The following PTPN3 variants were observed in gnomAD, a reference collection of about 807,000 sequenced individuals.
The protein encoded by PTPN3 is tyrosine-protein phosphatase non-receptor type 3.
In PTPN3, 96 loss-of-function variants were observed where a neutral mutation model predicts 132.7. The ratio of observed to expected loss-of-function variants is 0.72; its 90% CI spans 0.61 to 0.86. PTPN3 has a LOEUF of 0.86. Ranked by LOEUF, PTPN3 falls within the 40% of genes least tolerant of loss-of-function variation. The pLI, the probability that PTPN3 is intolerant of heterozygous loss-of-function variation, is 0.00. For missense variants in PTPN3, 1,125 were observed against 1,159.6 expected (o/e 0.97, Z 0.43); for synonymous variants, 398 against 429.0 (o/e 0.93, Z 0.89).
At chr9:109,406,905 TTATAA>T (rs1225781214) in intron 17 of PTPN3, among the ~76,000 whole-genome samples, 1 of 152,218 alleles carries the variant, frequency 6.6e-6, no homozygotes, top group Admixed American at 6.5e-5. Flanking sequence ...CCTTCACTTA[TTATAA>T]TATAACTATA....
intron 5 of PTPN3, chr9:109,449,121 T>G: frequency 7.9e-7 from 1 of 1,269,350 alleles, no homozygotes; most frequent in Non-Finnish European, 9.9e-7. Context: ...TGAGCAGGGA[T>G]GAATGGGGTG....
the PTPN3 span, among the ~76,000 whole-genome samples, chr9:109,506,756 C>A: frequency 6.6e-6 from 1 of 151,984 alleles, no homozygotes; most frequent in Non-Finnish European, 1.5e-5. Context: ...GTGCATGCCA[C>A]AAGACTTGGC....
chr9:109,439,916 A>G (rs1319277917), intron 7 of PTPN3, among the ~76,000 whole-genome samples: 2 of 142,944 alleles, frequency 1.4e-5, no homozygotes, highest in Admixed American at 7.0e-5. Flanking sequence ...CTCAAAAAAG[A>G]AAAAAAAAAA....
chr9:109,407,382 C>T (rs1338030424), intron 17 of PTPN3, among the ~76,000 whole-genome samples: 1 of 151,744 alleles, frequency 6.6e-6, no homozygotes, highest in East Asian at 1.9e-4. Flanking sequence ...GACCCTGTCT[C>T]TTAAAAAAGA....
chr9:109,463,160 A>G lies in PTPN3; in HGVS notation c.138+137T>C, dbSNP rs1348810275. ...AACATTTTTAAGTATTTCCAGTGCA[A>G]TCTCAACATACAAGATCTGAGATCT... On this transcript the variant is annotated intron_variant, in intron 2 of 25. Transcript: ENST00000374541. 5.3e-6 allele frequency: 5 copies of G among 945,410 alleles called. No individual in the cohort carries two copies. The East Asian group carries it at 1.4e-4, about 26-fold the overall frequency. 58.6% of individuals were successfully genotyped at this position (945,410 alleles called of 1,614,324 possible).
intron 13 of PTPN3, among the ~76,000 whole-genome samples, chr9:109,421,588 C>A (rs1842896733): frequency 6.6e-6 from 1 of 152,260 alleles, no homozygotes; most frequent in African/African-American, 2.4e-5. Flanking sequence ...CCTGGGCTCT[C>A]TGGGCCCCTG....
intron 14 of PTPN3, among the ~76,000 whole-genome samples, chr9:109,416,303 A>C (rs1039774103): frequency 2.0e-5 from 3 of 152,184 alleles, no homozygotes; most frequent in Non-Finnish European, 4.4e-5. Flanking sequence ...CTAACGACAG[A>C]GCACACAGCT....
chr9:109,475,044 C>T (rs1846585060), intron 1 of PTPN3, among the ~76,000 whole-genome samples: 1 of 152,122 alleles, frequency 6.6e-6, no homozygotes, highest in Non-Finnish European at 1.5e-5. Flanking sequence ...ATGAAAGAAA[C>T]ACATTTCTCT....
intron 19 of PTPN3, among the ~76,000 whole-genome samples, chr9:109,395,144 T>TA (rs36091037): frequency 0.24 from 32,835 of 134,640 alleles, 4,099 homozygotes; most frequent in Non-Finnish European, 0.3. Context: ...CATCTCAATT[T>TA]AAAAAAAAAA....
At position 109,382,448 on chromosome 9, in the gene PTPN3, C is replaced by T. The variant is rs964551513; in HGVS notation, c.2383-1G>A. On this transcript the variant is annotated splice_acceptor_variant, in intron 23 of 25. Transcript: ENST00000374541. LOFTEE classifies it high-confidence loss of function. ...GTGTCACTGTGTGTTCTTCCCCGGT[C>T]TGTGGGAGATGCAGTGGCCTTGGTG... The T allele has an allele frequency of 6.2e-7, 1 of 1,614,048 alleles. No homozygotes were observed. The highest frequency in any genetic ancestry group is 2.2e-5 in the East Asian group (1 of 44,882).
At chr9:109,484,012 G>A (rs925640918) in intron 1 of PTPN3, among the ~76,000 whole-genome samples, 8 of 152,176 alleles carry the variant, frequency 5.3e-5, no homozygotes, top group African/African-American at 1.7e-4. Context: ...GACAGGCTGC[G>A]TTCTCCACTC....
At chr9:109,475,706 C>T (rs1846624408) in intron 1 of PTPN3, among the ~76,000 whole-genome samples, 2 of 152,164 alleles carry the variant, frequency 1.3e-5, no homozygotes, top group Non-Finnish European at 2.9e-5. Context: ...GGCTCTGGCC[C>T]CCACCCCTTT....
In PTPN3 at chr9:109,391,480, C is replaced by T. The variant is rs768560669; in HGVS notation, c.2035G>A (p.Val679Met). 5.0e-5 allele frequency: 80 copies of T among 1,612,608 alleles called. No individual in the cohort carries two copies. The highest frequency in any genetic ancestry group is 6.2e-5 in the Non-Finnish European group (73 of 1,178,844). ...CATGCCGGATACTCACAAGGCAGCA[C>T]ATCTTTATATCGGTTTTTGTCCAAA... ...QNLDKNRYKDVLPYDTTRVLL... is the reference protein window; with the variant it reads ...QNLDKNRYKDMLPYDTTRVLL... The change falls in exon 20 of 26, where the codon GTG becomes ATG. Residue 679 changes from valine (V) to methionine (M), a missense_variant. Transcript: ENST00000374541.
intron 7 of PTPN3, among the ~76,000 whole-genome samples, chr9:109,441,147 CA>C (rs1844436615): frequency 6.6e-6 from 1 of 152,192 alleles, no homozygotes; most frequent in Non-Finnish European, 1.5e-5. Context: ...CTATATGCTC[CA>C]AACTCCTAAG....
At chr9:109,391,932 A>G (rs1231164212) in intron 19 of PTPN3, among the ~76,000 whole-genome samples, 1 of 151,430 alleles carries the variant, frequency 6.6e-6, no homozygotes, top group African/African-American at 2.4e-5. Context: ...TTAGTCTAGA[A>G]TCATTTCCCT....
upstream of PTPN3, among the ~76,000 whole-genome samples, chr9:109,501,341 G>T (rs1294412369): frequency 1.3e-5 from 2 of 152,140 alleles, no homozygotes; most frequent in African/African-American, 4.8e-5. Context: ...CTCAAAGTCA[G>T]GGTGTTAGGT....
At chr9:109,416,228 A>ATGC (rs745416495) in intron 14 of PTPN3, among the ~76,000 whole-genome samples, 3 of 152,152 alleles carry the variant, frequency 2.0e-5, no homozygotes, top group Non-Finnish European at 4.4e-5. Flanking sequence ...AGGAACCTTG[A>ATGC]TGCTGGGTCA....
chr9:109,450,388 A>C (rs1290667259), intron 5 of PTPN3: 3 of 984,800 alleles, frequency 3.0e-6, no homozygotes, highest in Non-Finnish European at 3.6e-6. Flanking sequence ...AAAAAAGAGA[A>C]AGGAGAGTTA....
chr9:109,435,207 T>C (rs1367503100), intron 9 of PTPN3, among the ~76,000 whole-genome samples: 2 of 152,320 alleles, frequency 1.3e-5, no homozygotes, highest in South Asian at 2.1e-4. Flanking sequence ...TCTTTCAGTA[T>C]GCACCTCAAC....
Sources: gnomAD v4.1 joint callset for allele counts (sites outside exome capture counted in the v4.1 genomes callset) on GRCh38, gnomAD v4.1.1 for gene constraint, MANE v1.5 for transcripts, NCBI Gene and HGNC (gene_info 2026-07-23, HGNC 2026-07-21) for gene names.